SVIL: variants seen among roughly 807,000 people sequenced by gnomAD.
The protein encoded by SVIL is supervillin, also known as archvillin.
SVIL carries 101 observed loss-of-function variants against 240.4 expected under a neutral mutation model. The observed-to-expected ratio is 0.42, with a 90% confidence interval of 0.36 to 0.50. SVIL has a LOEUF of 0.50. SVIL is among the 20% of genes least tolerant of loss of function. The probability of loss-of-function intolerance (pLI) is 0.01; values close to 1 mark genes in which losing one functional copy is unlikely to be tolerated. For missense variants in SVIL, 2,512 were observed against 2,818.7 expected (o/e 0.89, Z 2.46); for synonymous variants, 999 against 1,100.0 (o/e 0.91, Z 1.82).
chr10:29,641,174 G>A (rs966063998), intron 3 of SVIL, among the ~76,000 whole-genome samples: 2 of 152,088 alleles, frequency 1.3e-5, no homozygotes, highest in Non-Finnish European at 2.9e-5. Flanking sequence ...TTGGGAGGTC[G>A]AGGTGGAAGG....
rs1946602359 is a variant in SVIL at position 29,479,575 on chromosome 10, A to T, written c.5377+962T>A. On this transcript the variant is annotated intron_variant, in intron 29 of 37. Transcript: ENST00000355867. ...CCTGCACCTGCTTTATGTCACTGAG[A>T]CAGGGTCTGAAATATTTACTTGGTC... is the stretch of plus-strand genomic sequence containing the variant. 3.9e-5 allele frequency among the ~76,000 whole-genome samples: 6 copies of T among 152,184 alleles called. No homozygotes were observed. In the South Asian group the frequency reaches 1.2e-3, roughly 31 times the overall value.
intron 1 of SVIL, among the ~76,000 whole-genome samples, chr10:29,705,413 T>C (rs1962816706): frequency 6.6e-6 from 1 of 152,004 alleles, no homozygotes; most frequent in Non-Finnish European, 1.5e-5. Flanking sequence ...GAGGGCCCCA[T>C]GTAACCATCA....
chr10:29,548,635 G>A (rs1257457975), intron 6 of SVIL, among the ~76,000 whole-genome samples: 1 of 152,078 alleles, frequency 6.6e-6, no homozygotes, highest in Non-Finnish European at 1.5e-5. Context: ...ACATACCTGT[G>A]TCCTAGTGTG....
At chr10:29,652,833 A>G (rs1053552656) in intron 3 of SVIL, among the ~76,000 whole-genome samples, 1 of 152,122 alleles carries the variant, frequency 6.6e-6, no homozygotes, top group Non-Finnish European at 1.5e-5. Flanking sequence ...TTATTAGCAT[A>G]TCTTCTTTGG....
chr10:29,524,710 T>C lies in SVIL; in HGVS notation c.2348A>G (p.Gln783Arg), dbSNP rs563830930. The C allele has an allele frequency of 6.2e-7, 1 of 1,613,250 alleles. No individual in the cohort carries two copies. Among genetic ancestry groups the C allele is most frequent in the East Asian group, 2.2e-5 (1 of 44,868 alleles). ...TAAGGCCTTTTGGTGAGCAGAGGCC[T>C]GCAATCTGAAAAAAATAAAATGTCA... ...ARSAVQPARLQASAHQKALAK... is the reference protein window; with the variant it reads ...ARSAVQPARLRASAHQKALAK... Residue 783 changes from glutamine (Q) to arginine (R), a missense_variant, in exon 14 of 38, where the codon CAG becomes CGG. Gln to Arg is a conservative substitution (Grantham distance 43, BLOSUM62 1). Coordinates refer to ENST00000355867, the MANE Select transcript of SVIL (RefSeq NM_021738.3).
chr10:29,540,987 A>G (rs1952107693), intron 6 of SVIL, among the ~76,000 whole-genome samples: 1 of 152,210 alleles, frequency 6.6e-6, no homozygotes, highest in African/African-American at 2.4e-5. Flanking sequence ...CATTCCATCA[A>G]AGTACAAAAT....
intron 1 of SVIL, among the ~76,000 whole-genome samples, chr10:29,569,957 AG>A (rs1178329042): frequency 6.6e-6 from 1 of 152,254 alleles, no homozygotes; most frequent in East Asian, 1.9e-4. Context: ...ATTTATAACC[AG>A]TCTAATGGCA....
intron 2 of SVIL, among the ~76,000 whole-genome samples, chr10:29,660,778 T>G (rs1174636712): frequency 3.9e-5 from 6 of 152,220 alleles, no homozygotes; most frequent in African/African-American, 1.4e-4. Context: ...ACTCATAGTG[T>G]GCACAGCAAT....
At chr10:29,507,851 G>A in intron 17 of SVIL, 1 of 925,718 alleles carries the variant, frequency 1.1e-6, no homozygotes, top group African/African-American at 1.8e-5. Context: ...GGTGAAAAGA[G>A]AAGATTTATC....
intron 16 of SVIL, among the ~76,000 whole-genome samples, chr10:29,518,219 C>G (rs575949638): frequency 2.0e-5 from 3 of 152,236 alleles, no homozygotes; most frequent in African/African-American, 7.2e-5. Context: ...GAAACCTTGT[C>G]TCTACTAAAA....
chr10:29,613,439 G>A (rs1195529922), intron 1 of SVIL, among the ~76,000 whole-genome samples: 1 of 152,030 alleles, frequency 6.6e-6, no homozygotes, highest in East Asian at 1.9e-4. Context: ...CTCAAGCAAT[G>A]CTTCTGCCTC....
intron 17 of SVIL, among the ~76,000 whole-genome samples, chr10:29,500,345 G>C (rs1262904161): frequency 6.6e-6 from 1 of 152,172 alleles, no homozygotes; most frequent in African/African-American, 2.4e-5. Flanking sequence ...GCTGGGTGGG[G>C]AGCGGGGGAG....
chr10:29,529,175 C>CAAAAAAAAAAAAAAAAAA (rs66523560), intron 12 of SVIL, among the ~76,000 whole-genome samples: 3 of 66,056 alleles, frequency 4.5e-5, no homozygotes, highest in South Asian at 6.9e-4. Context: ...GACTCTCTCT[C>CAAAAAAAAAAAAAAAAAA]AAAAAAAAAA....
chr10:29,532,831 C>G lies in SVIL; in HGVS notation c.1536G>C (p.Arg512Ser). The part of the protein sequence containing the change: ...APHQPTERTG[R>S]SEMVLYIQSE... ...TTTGAATGTAGAGAACCATCTCGCT[C>G]CTGCCTGTCCTCTCAGTGGGCTGGT... The change falls in exon 8 of 38, where the codon AGG (arginine) becomes AGC (serine). Residue 512 changes from arginine to serine, a missense_variant. Transcript: ENST00000355867. 1 of 1,614,194 alleles carries G rather than the reference C, an allele frequency of 6.2e-7. No individual in the cohort carries two copies. Among genetic ancestry groups the G allele is most frequent in the Non-Finnish European group, 8.5e-7 (1 of 1,180,030 alleles).
chr10:29,614,243 A>T (rs982846301), intron 1 of SVIL, among the ~76,000 whole-genome samples: 1 of 152,028 alleles, frequency 6.6e-6, no homozygotes, highest in African/African-American at 2.4e-5. Context: ...CATTTTAGTT[A>T]AAAAAAATAT....
chr10:29,627,907 A>G (rs1957936564), intron 1 of SVIL, among the ~76,000 whole-genome samples: 1 of 152,242 alleles, frequency 6.6e-6, no homozygotes, highest in African/African-American at 2.4e-5. Context: ...TAAAATGAAC[A>G]TCCGGGGGAA....
intron 10 of SVIL, 44 bp downstream of exon 10, chr10:29,531,210 A>C (rs778646345): frequency 6.2e-7 from 1 of 1,600,486 alleles, no homozygotes; most frequent in Non-Finnish European, 8.6e-7. Context: ...AATCCAGTCT[A>C]GATGAGATAA....
intron 3 of SVIL, among the ~76,000 whole-genome samples, chr10:29,654,208 G>T (rs1958927475): frequency 6.6e-6 from 1 of 151,918 alleles, no homozygotes; most frequent in Admixed American, 6.6e-5. Flanking sequence ...GTCTTCTTTA[G>T]TTTCTTTCAA....
intron 13 of SVIL, among the ~76,000 whole-genome samples, chr10:29,526,036 T>C (rs1013814628): frequency 6.6e-6 from 1 of 152,140 alleles, no homozygotes; most frequent in Non-Finnish European, 1.5e-5. Context: ...AACAGTAAAA[T>C]GAAGGGATAT....
Sources: gnomAD v4.1 joint callset for allele counts (sites outside exome capture counted in the v4.1 genomes callset) on GRCh38, gnomAD v4.1.1 for gene constraint, MANE v1.5 for transcripts, NCBI Gene and HGNC (gene_info 2026-07-23, HGNC 2026-07-21) for gene names.